SPOCK3: variants seen among roughly 807,000 people sequenced by gnomAD.
The protein encoded by SPOCK3 is testican-3.
Under a neutral mutation model 56.6 loss-of-function variants are expected in SPOCK3, and 30 were observed. The observed-to-expected ratio is 0.53, with a 90% CI of 0.40 to 0.72. The LOEUF (loss-of-function observed/expected upper bound fraction) is 0.72. Ranked by LOEUF, SPOCK3 falls within the 30% of genes least tolerant of loss-of-function variation. The pLI, the probability that SPOCK3 is intolerant of heterozygous loss-of-function variation, is 0.00. For missense variants in SPOCK3, 527 were observed against 530.0 expected (o/e 0.99, Z 0.06); for synonymous variants, 196 against 183.3 (o/e 1.07, Z -0.56).
chr4:167,115,369 A>C (rs1466771292), intron 2 of SPOCK3, among the ~76,000 whole-genome samples: 1 of 152,106 alleles, frequency 6.6e-6, no homozygotes, highest in Non-Finnish European at 1.5e-5. Flanking sequence ...ATCTGATTGA[A>C]ATATATTTCA....
chr4:166,778,948 T>G (rs1417484060), intron 7 of SPOCK3, among the ~76,000 whole-genome samples: 2 of 152,028 alleles, frequency 1.3e-5, no homozygotes, highest in Non-Finnish European at 2.9e-5. Flanking sequence ...GTATAGCCAC[T>G]GAGGAAAGCC....
chr4:167,109,438 ATATATT>A (rs1476771965), intron 2 of SPOCK3, among the ~76,000 whole-genome samples: 5 of 105,340 alleles, frequency 4.7e-5, no homozygotes, highest in East Asian at 2.6e-4. Context: ...TATGATAAAT[ATATATT>A]TATATTTATA....
At chr4:167,227,178 T>C (rs1424903573) in intron 2 of SPOCK3, among the ~76,000 whole-genome samples, 1 of 152,166 alleles carries the variant, frequency 6.6e-6, no homozygotes, top group Non-Finnish European at 1.5e-5. Flanking sequence ...GGGAGCACCA[T>C]GATGCATGTC....
intron 4 of SPOCK3, among the ~76,000 whole-genome samples, chr4:166,974,666 T>C (rs1228601646): frequency 1.3e-5 from 2 of 152,200 alleles, no homozygotes; most frequent in African/African-American, 4.8e-5. Context: ...AAAATATTTT[T>C]GTCAAGTTTA....
At chr4:166,951,732 C>T (rs749136936) in intron 4 of SPOCK3, among the ~76,000 whole-genome samples, 1 of 143,410 alleles carries the variant, frequency 7.0e-6, no homozygotes, top group African/African-American at 2.8e-5. Context: ...AGCTTATCCA[C>T]CATGATCAAG....
At chr4:167,061,847 T>C (rs1275105327) in intron 3 of SPOCK3, among the ~76,000 whole-genome samples, 2 of 151,996 alleles carry the variant, frequency 1.3e-5, no homozygotes, top group Non-Finnish European at 2.9e-5. Flanking sequence ...ATGTGAACTT[T>C]AGTAAACAAA....
chr4:167,075,655 G>A (rs1215343762), intron 2 of SPOCK3, among the ~76,000 whole-genome samples: 1 of 151,888 alleles, frequency 6.6e-6, no homozygotes, highest in Admixed American at 6.6e-5. Flanking sequence ...TTCTTTCTGT[G>A]TTTTAGAAAT....
At chr4:166,755,897 G>GGGCTTGAAAAATTTACAATTTC (rs1579131489) in intron 7 of SPOCK3, among the ~76,000 whole-genome samples, 4 of 72,594 alleles carry the variant, frequency 5.5e-5, no homozygotes, top group South Asian at 9.6e-4. Context: ...AGAGATTTGG[G>GGGCTTGAAAAATTTACAATTTC]ACAGGAACAG....
chr4:167,066,756 A>T (rs1459732917), intron 2 of SPOCK3, among the ~76,000 whole-genome samples: 1 of 151,884 alleles, frequency 6.6e-6, no homozygotes, highest in Non-Finnish European at 1.5e-5. Flanking sequence ...AATAACATAC[A>T]AATATATCTG....
intron 2 of SPOCK3, among the ~76,000 whole-genome samples, chr4:167,225,106 A>G (rs1432051249): frequency 6.6e-6 from 1 of 152,228 alleles, no homozygotes; most frequent in Non-Finnish European, 1.5e-5. Flanking sequence ...AGTTTCCAAA[A>G]TATACAAGCC....
At chr4:167,112,840 CTCT>C (rs1163963680) in intron 2 of SPOCK3, among the ~76,000 whole-genome samples, 2 of 16,778 alleles carry the variant, frequency 1.2e-4, no homozygotes, top group African/African-American at 4.3e-4. Flanking sequence ...TTCAAAAGTG[CTCT>C]TTTTTAAAAA....
intron 2 of SPOCK3, among the ~76,000 whole-genome samples, chr4:167,101,002 T>C (rs563941616): frequency 1.3e-5 from 2 of 152,144 alleles, no homozygotes; most frequent in Non-Finnish European, 1.5e-5. Context: ...TGGTAATTCA[T>C]TGAAACTCAT....
chr4:167,163,067 T>C (rs1357117415), intron 2 of SPOCK3, among the ~76,000 whole-genome samples: 1 of 151,732 alleles, frequency 6.6e-6, no homozygotes, highest in Non-Finnish European at 1.5e-5. Flanking sequence ...ATTAAAGTGT[T>C]ATTTAAAATT....
At chr4:167,003,863 C>A (rs577371391) in intron 3 of SPOCK3, among the ~76,000 whole-genome samples, 60 of 152,156 alleles carry the variant, frequency 3.9e-4, no homozygotes, top group Non-Finnish European at 7.1e-4. Flanking sequence ...ATCCTTTGAG[C>A]GTCATTACAT....
chr4:166,927,337 C>G (rs987165130), intron 4 of SPOCK3, among the ~76,000 whole-genome samples: 1 of 152,102 alleles, frequency 6.6e-6, no homozygotes, highest in African/African-American at 2.4e-5. Context: ...TTCATGTGGG[C>G]TCATGAGACC....
rs111534743 is a variant in SPOCK3, at chr4:166,824,774, A to C, written c.590-32485T>G. 4.5e-3 allele frequency among the ~76,000 whole-genome samples: 687 copies of C among 152,198 alleles called. 9 individuals are homozygous for C. The highest frequency in any genetic ancestry group is 0.016 in the African/African-American group (657 of 41,560). ...AGTGTTAACTAAATTTATCAATCCC[A>C]GGTCACCTATCACTATACATACTAT... On this transcript the variant is annotated intron_variant, in intron 6 of 10. Coordinates refer to ENST00000357545, the MANE Select transcript of SPOCK3 (RefSeq NM_001040159.2).
At chr4:167,157,701 G>A (rs896860015) in intron 2 of SPOCK3, among the ~76,000 whole-genome samples, 1 of 150,386 alleles carries the variant, frequency 6.6e-6, no homozygotes, top group African/African-American at 2.4e-5. Flanking sequence ...CCAATCCAGA[G>A]TTCTAAAAAG....
intron 2 of SPOCK3, among the ~76,000 whole-genome samples, chr4:167,070,756 T>G (rs1206076278): frequency 6.6e-6 from 1 of 152,102 alleles, no homozygotes; most frequent in East Asian, 1.9e-4. Context: ...GCCAATAAAT[T>G]TCACAAAAGA....
intron 6 of SPOCK3, among the ~76,000 whole-genome samples, chr4:166,845,314 CAT>C (rs1319652570): frequency 1.3e-5 from 2 of 152,028 alleles, no homozygotes; most frequent in African/African-American, 2.4e-5. Context: ...CATTTTAATA[CAT>C]GTTTATTAAT....
Sources: gnomAD v4.1 joint callset for allele counts (sites outside exome capture counted in the v4.1 genomes callset) on GRCh38, gnomAD v4.1.1 for gene constraint, MANE v1.5 for transcripts, NCBI Gene and HGNC (gene_info 2026-07-23, HGNC 2026-07-21) for gene names.